The following TRIO variants were observed in gnomAD, a reference collection of about 807,000 sequenced individuals.
TRIO encodes the protein triple functional domain protein.
Under a neutral mutation model 351.9 loss-of-function variants are expected in TRIO, and 58 were observed. That is an observed-to-expected ratio of 0.16 (90% CI 0.13 to 0.21). The LOEUF is 0.21. Ranked by LOEUF, TRIO falls within the 10% of genes least tolerant of loss-of-function variation. The probability of loss-of-function intolerance (pLI) is 1.00; values close to 1 mark genes in which losing one functional copy is unlikely to be tolerated. For synonymous variants in TRIO, 1,758 were observed against 1,595.7 expected (o/e 1.10, Z -2.42); for missense variants, 3,201 against 4,027.8 (o/e 0.79, Z 5.56).
rs1329492277 is a variant in TRIO, at chr5:14,456,907, CTT to C, written c.5204-4109_5204-4108del. Among the ~76,000 whole-genome samples, 5 of 152,284 alleles carry C rather than the reference CTT, an allele frequency of 3.3e-5. No homozygotes were observed. The South Asian group carries it at 6.2e-4, about 19-fold the overall frequency. On this transcript the variant is annotated intron_variant, in intron 34 of 56. Transcript: ENST00000344204. Reference sequence around the variant, plus strand: ...TTAATGATGGTATTAAGTTTAAAGACTTTTAAAGCTTTTTAAACTCCTAATGT... The same window carrying C: ...TTAATGATGGTATTAAGTTTAAAGACTTAAAGCTTTTTAAACTCCTAATGT...
chr5:14,225,319 A>G (rs2152213799), intron 1 of TRIO, among the ~76,000 whole-genome samples: 1 of 152,276 alleles, frequency 6.6e-6, no homozygotes, highest in South Asian at 2.1e-4. Context: ...TGCTTATGTT[A>G]TTTTTGCCTA....
intron 4 of TRIO, among the ~76,000 whole-genome samples, chr5:14,290,462 A>G (rs1736810147): frequency 6.6e-6 from 1 of 152,238 alleles, no homozygotes; most frequent in African/African-American, 2.4e-5. Flanking sequence ...AGCTCTCATG[A>G]AATACACGAT....
Position 14,159,335 on chromosome 5 carries a change from A to AG in TRIO, c.157+15453_157+15454insG, listed in dbSNP as rs1554023211. 1.2e-4 allele frequency among the ~76,000 whole-genome samples: 16 copies of AG among 134,140 alleles called. 1 individual carries two copies. The highest frequency in any genetic ancestry group is 2.5e-4 in the South Asian group (1 of 4,076). 88.0% of individuals were successfully genotyped at this position (134,140 alleles called of 152,430 possible). A position where few individuals can be genotyped will look rare whatever the true frequency, so the allele number is the denominator to read the frequency against. ...GAAATCGCAGTCAAAAAAAAAAAAA[A>AG]AGAGAGAGAGACTTTGCTTCCCTGT... On this transcript the variant is annotated intron_variant, in intron 1 of 56. Transcript: ENST00000344204.
Position 14,304,576 on chromosome 5 carries a change from C to T in TRIO, c.1484C>T (p.Thr495Ile), listed in dbSNP as rs755881570. ...CACCAGGGAATATATGAACATATCA[C>T]TCTTGCTTATTCTGAGGTAAGTGGC... is the stretch of plus-strand genomic sequence containing the variant. ...HHHQGIYEHI[T>I]LAYSEVSQDG... Residue 495 changes from threonine (T) to isoleucine (I), a missense_variant, in exon 8 of 57, where the codon ACT (threonine) becomes ATT (isoleucine). Physicochemically the swap from Thr to Ile is moderately conservative, Grantham distance 89 (BLOSUM62 -1). This residue lies in a region of TRIO where 349 missense variants were observed against 449.3 expected (regional missense o/e 0.78). Coordinates refer to ENST00000344204, the MANE Select transcript of TRIO (RefSeq NM_007118.4). The T allele has an allele frequency of 1.5e-5, 24 of 1,613,200 alleles. No homozygotes were observed. In the Admixed American group the frequency reaches 2.5e-4, roughly 17 times the overall value.
intron 19 of TRIO, 27 bp downstream of exon 19, chr5:14,374,370 G>T: frequency 1.3e-6 from 2 of 1,583,932 alleles, no homozygotes; most frequent in Non-Finnish European, 1.7e-6. Context: ...GTCTCCAGGG[G>T]TGGCCCAGTG....
At chr5:14,366,542 CAGT>C (rs1304908027) in intron 15 of TRIO, among the ~76,000 whole-genome samples, 1 of 152,152 alleles carries the variant, frequency 6.6e-6, no homozygotes, top group African/African-American at 2.4e-5. Flanking sequence ...TTCCTGGTGT[CAGT>C]AGGTTTTCTA....
chr5:14,339,735 T>G (rs1741766986), intron 11 of TRIO, among the ~76,000 whole-genome samples: 1 of 152,200 alleles, frequency 6.6e-6, no homozygotes, highest in South Asian at 2.1e-4. Flanking sequence ...AGTAGATTTG[T>G]CTTTCCCTGA....
At chr5:14,334,395 T>C (rs1178633986) in intron 10 of TRIO, among the ~76,000 whole-genome samples, 1 of 152,176 alleles carries the variant, frequency 6.6e-6, no homozygotes, top group South Asian at 2.1e-4. Flanking sequence ...GGGAAATAAA[T>C]GATGGCTGTT....
chr5:14,296,700 G>A (rs1442356011), intron 6 of TRIO, among the ~76,000 whole-genome samples: 1 of 152,180 alleles, frequency 6.6e-6, no homozygotes, highest in African/African-American at 2.4e-5. Flanking sequence ...GGGTCCCTCA[G>A]TTCTCTGTGA....
chr5:14,488,099 G>C lies in TRIO; in HGVS notation c.7471G>C (p.Ala2491Pro). The C allele has an allele frequency of 6.2e-7, 1 of 1,608,896 alleles. No individual in the cohort carries two copies. Among genetic ancestry groups the C allele is most frequent in the South Asian group, 1.1e-5 (1 of 90,804 alleles). ...KGGSFWSSIPASPASRPGSFT... is the reference protein window; with the variant it reads ...KGGSFWSSIPPSPASRPGSFT... The stretch of plus-strand genomic sequence containing the variant: ...GGGCTCCTTCTGGAGCTCCATCCCC[G>C]CCTCCCCCGCCAGCCGACCCGGCTC... The change falls in exon 48 of 57, where the codon GCC becomes CCC. Residue 2491 changes from alanine (A) to proline (P), a missense_variant. Ala to Pro is a conservative substitution (Grantham distance 27, BLOSUM62 -1). Coordinates refer to ENST00000344204, the MANE Select transcript of TRIO (RefSeq NM_007118.4).
intron 11 of TRIO, among the ~76,000 whole-genome samples, chr5:14,346,393 C>T (rs146859814): frequency 1.1e-4 from 17 of 152,302 alleles, no homozygotes; most frequent in East Asian, 7.7e-4. Flanking sequence ...AATCTAAGCA[C>T]GTTCAAGCCT....
At chr5:14,150,319 T>G (rs1215895430) in intron 1 of TRIO, among the ~76,000 whole-genome samples, 2 of 147,282 alleles carry the variant, frequency 1.4e-5, no homozygotes, top group Non-Finnish European at 3.0e-5. Context: ...GGTGGGGGAG[T>G]ATGGCTACAA....
At position 14,273,069 on chromosome 5, in the gene TRIO, C is replaced by A. The variant is rs572614645; in HGVS notation, c.232+2170C>A. Among the ~76,000 whole-genome samples the A allele has an allele frequency of 5.3e-5, 8 of 152,258 alleles. No individual in the cohort carries two copies. In the South Asian group the frequency reaches 1.7e-3, roughly 32 times the overall value. On this transcript the variant is annotated intron_variant, in intron 2 of 56. Transcript: ENST00000344204. ...TAATTCCAGAACCTTTTCATCACCT[C>A]CCAGGAACCCCATATCCACCCCCAA... is the stretch of plus-strand genomic sequence containing the variant.
chr5:14,416,801 C>G (rs1331051929), intron 33 of TRIO, among the ~76,000 whole-genome samples: 1 of 151,158 alleles, frequency 6.6e-6, no homozygotes, highest in African/African-American at 2.4e-5. Context: ...ATTAATAAGA[C>G]TCTGGAGAAT....
At chr5:14,273,279 A>T (rs1438395201) in intron 2 of TRIO, among the ~76,000 whole-genome samples, 1 of 152,250 alleles carries the variant, frequency 6.6e-6, no homozygotes, top group Non-Finnish European at 1.5e-5. Context: ...AAAGATACTT[A>T]TTAGGTCAAG....
chr5:14,424,086 A>C (rs1231829075), intron 34 of TRIO, among the ~76,000 whole-genome samples: 1 of 152,108 alleles, frequency 6.6e-6, no homozygotes, highest in Non-Finnish European at 1.5e-5. Context: ...CTTTAAGAAG[A>C]GACCTTTTGG....
chr5:14,490,202 C>T (rs529817852), intron 48 of TRIO, among the ~76,000 whole-genome samples: 8 of 152,346 alleles, frequency 5.3e-5, no homozygotes, highest in African/African-American at 1.9e-4. Flanking sequence ...TCGCTTGAAC[C>T]CAGGAGGCAG....
intron 1 of TRIO, among the ~76,000 whole-genome samples, chr5:14,145,081 C>T (rs958022489): frequency 1.6e-4 from 25 of 152,148 alleles, no homozygotes; most frequent in Admixed American, 6.5e-4. Context: ...GACGGCCGGG[C>T]TGGGGACACC....
intron 1 of TRIO, among the ~76,000 whole-genome samples, chr5:14,170,230 T>G (rs1789013340): frequency 6.6e-6 from 1 of 152,222 alleles, no homozygotes; most frequent in Non-Finnish European, 1.5e-5. Context: ...TAAAGTTCTT[T>G]GTGAGAGCTT....
Sources: allele counts gnomAD v4.1 joint callset (sites outside exome capture counted in the v4.1 genomes callset), GRCh38; gene constraint gnomAD v4.1.1; regional missense constraint gnomAD v4.1.1; transcripts MANE v1.5; gene names NCBI Gene and HGNC (gene_info 2026-07-23, HGNC 2026-07-21).